Variants in FSTL5 observed in about 807,000 individuals in gnomAD.
FSTL5 encodes the protein follistatin-related protein 5.
Under a neutral mutation model 89.1 loss-of-function variants are expected in FSTL5, and 62 were observed. The observed-to-expected ratio is 0.70, with a 90% CI of 0.57 to 0.86. The LOEUF (loss-of-function observed/expected upper bound fraction) is 0.86. FSTL5 is among the 40% of genes least tolerant of loss of function. The probability of loss-of-function intolerance (pLI) is 0.00; values close to 1 mark genes in which losing one functional copy is unlikely to be tolerated. For missense variants in FSTL5, 1,057 were observed against 1,001.6 expected, an observed-to-expected ratio of 1.06 and a Z score of -0.75; for synonymous variants, 383 against 346.2, an observed-to-expected ratio of 1.11 and a Z score of -1.18.
At chr4:162,018,181 G>T (rs1455632400) in intron 3 of FSTL5, among the ~76,000 whole-genome samples, 2 of 152,100 alleles carry the variant, frequency 1.3e-5, no homozygotes, top group Non-Finnish European at 2.9e-5. Context: ...GGGGGTAAAT[G>T]GTAGAAAGGG....
chr4:161,571,632 A>C (rs1239504393), intron 8 of FSTL5, among the ~76,000 whole-genome samples: 1 of 152,150 alleles, frequency 6.6e-6, no homozygotes, highest in Non-Finnish European at 1.5e-5. Flanking sequence ...GAAATAATAC[A>C]TTATCGACCT....
intron 15 of FSTL5, among the ~76,000 whole-genome samples, chr4:161,418,081 C>T (rs1254655710): frequency 6.6e-6 from 1 of 152,098 alleles, no homozygotes; most frequent in East Asian, 1.9e-4. Flanking sequence ...GGGTTTAGCT[C>T]AATTCATCTG....
At chr4:162,118,417 C>G (rs1376103417) in intron 1 of FSTL5, among the ~76,000 whole-genome samples, 3 of 152,114 alleles carry the variant, frequency 2.0e-5, no homozygotes, top group Admixed American at 2.0e-4. Flanking sequence ...CCCGCCACCA[C>G]GCCTGGCTAA....
intron 8 of FSTL5, chr4:161,552,505 C>T (rs991982549): frequency 6.6e-6 from 1 of 151,572 alleles, no homozygotes. Flanking sequence ...CTGATACTCC[C>T]CAAAGGAAAA....
intron 7 of FSTL5, among the ~76,000 whole-genome samples, chr4:161,600,158 AACACACACAC>A (rs71598717): frequency 1.5e-4 from 22 of 142,064 alleles, no homozygotes; most frequent in South Asian, 6.9e-4. Flanking sequence ...AATGTCAATA[AACACACACAC>A]ACACACACAC....
chr4:162,051,404 C>T (rs1738374878), intron 2 of FSTL5, among the ~76,000 whole-genome samples: 1 of 151,210 alleles, frequency 6.6e-6, no homozygotes. Context: ...AAAACAAAAA[C>T]TTCAACAGAA....
chr4:162,043,222 G>A (rs1738039359), intron 2 of FSTL5: 9 of 152,114 alleles, frequency 5.9e-5, no homozygotes, highest in Admixed American at 5.9e-4. Context: ...CACGAACTAT[G>A]GGGAAGATCT....
chr4:161,637,520 G>A (rs62328853), intron 7 of FSTL5, among the ~76,000 whole-genome samples: 29,652 of 151,096 alleles, frequency 0.2, 3,394 homozygotes, highest in Non-Finnish European at 0.24. Flanking sequence ...TTGGTGTTTT[G>A]GACATGAAGT....
chr4:162,117,411 T>A (rs966729205), intron 1 of FSTL5, among the ~76,000 whole-genome samples: 2 of 152,176 alleles, frequency 1.3e-5, no homozygotes, highest in African/African-American at 2.4e-5. Context: ...ATGGAGATAT[T>A]AGCTAAGCAT....
intron 7 of FSTL5, among the ~76,000 whole-genome samples, chr4:161,601,329 G>GAAAAAAAAAAAAAAAAAAAAAA: frequency 9.3e-6 from 1 of 107,566 alleles, no homozygotes; most frequent in Non-Finnish European, 1.8e-5. Flanking sequence ...TAAATAGTTG[G>GAAAAAAAAAAAAAAAAAAAAAA]AAAAAAAAAA....
At chr4:161,976,316 T>C (rs1417947529) in intron 3 of FSTL5, among the ~76,000 whole-genome samples, 3 of 152,060 alleles carry the variant, frequency 2.0e-5, no homozygotes, top group Non-Finnish European at 1.5e-5. Context: ...TGATGATCCT[T>C]GTATTGAGAG....
chr4:161,927,536 T>C (rs1326465614), intron 3 of FSTL5, among the ~76,000 whole-genome samples: 3 of 151,734 alleles, frequency 2.0e-5, no homozygotes, highest in African/African-American at 4.8e-5. Flanking sequence ...GTAATTTCTG[T>C]TATAATTATA....
chr4:161,461,746 C>T (rs1361991139), intron 13 of FSTL5, among the ~76,000 whole-genome samples: 1 of 152,066 alleles, frequency 6.6e-6, no homozygotes, highest in African/African-American at 2.4e-5. Context: ...AAAAAGTCAT[C>T]ATTAATCAAT....
At chr4:161,887,523 C>A (rs144536007) in intron 4 of FSTL5, among the ~76,000 whole-genome samples, 85 of 152,098 alleles carry the variant, frequency 5.6e-4, no homozygotes, top group African/African-American at 2.0e-3. Context: ...AGTCTCTATA[C>A]TTTCTAAATT....
chr4:161,719,974 C>A (rs1232823547), intron 6 of FSTL5, among the ~76,000 whole-genome samples: 2 of 151,954 alleles, frequency 1.3e-5, no homozygotes, highest in Admixed American at 1.3e-4. Context: ...TAGGAAAAAA[C>A]CTTATTGACA....
chr4:161,986,933 C>T lies in FSTL5; in HGVS notation c.160+46692G>A, dbSNP rs141514733. 3.6e-3 allele frequency among the ~76,000 whole-genome samples: 548 copies of T among 152,226 alleles called. 1 individual carries two copies. The highest frequency in any genetic ancestry group is 6.3e-3 in the Non-Finnish European group (429 of 68,022). ...GATCACAAACCTTGAAAACTAAATC[C>T]TAAAAGTATGGTATTCAAAACTAGA... On this transcript the variant is annotated intron_variant, in intron 3 of 15. Transcript: ENST00000306100.
intron 7 of FSTL5, among the ~76,000 whole-genome samples, chr4:161,620,781 T>G (rs1217708198): frequency 6.6e-6 from 1 of 152,184 alleles, no homozygotes; most frequent in Non-Finnish European, 1.5e-5. Flanking sequence ...GGTAAATATG[T>G]AGGTAAATAT....
intron 2 of FSTL5, among the ~76,000 whole-genome samples, chr4:162,066,273 T>TTCC (rs200910896): frequency 2.7e-4 from 40 of 149,570 alleles, no homozygotes; most frequent in South Asian, 6.4e-4. Context: ...TTTAATTGGG[T>TTCC]TCCTCCTCCT....
intron 4 of FSTL5, among the ~76,000 whole-genome samples, chr4:161,900,136 G>T (rs1431687730): frequency 3.3e-5 from 5 of 152,106 alleles, no homozygotes; most frequent in Non-Finnish European, 7.4e-5. Context: ...AGCAGTTGCA[G>T]TGAGCCCAAG....
Sources: gnomAD v4.1 joint callset for allele counts (sites outside exome capture counted in the v4.1 genomes callset) on GRCh38, gnomAD v4.1.1 for gene constraint, MANE v1.5 for transcripts, NCBI Gene and HGNC (gene_info 2026-07-23, HGNC 2026-07-21) for gene names.